TENM2: variants seen among roughly 807,000 people sequenced by gnomAD.
TENM2 encodes teneurin transmembrane protein 2.
In TENM2, 52 loss-of-function variants were observed where a neutral mutation model predicts 245.2. The observed-to-expected ratio is 0.21, with a 90% CI of 0.17 to 0.27. The LOEUF (loss-of-function observed/expected upper bound fraction) is 0.27. TENM2 is among the 10% of genes least tolerant of loss of function. The pLI is 1.00. For missense variants in TENM2, 3,046 were observed against 3,666.8 expected, an observed-to-expected ratio of 0.83 and a Z score of 4.37; for synonymous variants, 1,363 against 1,438.9, an observed-to-expected ratio of 0.95 and a Z score of 1.19.
chr5:167,282,664 A>G (rs1020073104), upstream of TENM2, among the ~76,000 whole-genome samples: 11 of 152,146 alleles, frequency 7.2e-5, no homozygotes, highest in African/African-American at 2.7e-4. Context: ...ACCAGGAATA[A>G]TTTTGACAAG....
intron 1 of TENM2, among the ~76,000 whole-genome samples, chr5:167,329,969 A>G (rs1757343793): frequency 6.6e-6 from 1 of 152,156 alleles, no homozygotes; most frequent in Admixed American, 6.5e-5. Context: ...AAAACAAATT[A>G]TGTTACTGTC....
At chr5:167,127,636 A>AT in the TENM2 span, among the ~76,000 whole-genome samples, 2 of 151,296 alleles carry the variant, frequency 1.3e-5, no homozygotes, top group African/African-American at 4.9e-5. Flanking sequence ...TTTAAAAAAA[A>AT]AAAAGGAAAA....
At chr5:167,843,119 A>C (rs1769704122) in intron 2 of TENM2, among the ~76,000 whole-genome samples, 1 of 152,182 alleles carries the variant, frequency 6.6e-6, no homozygotes, top group Non-Finnish European at 1.5e-5. Context: ...TGCCCAGTGC[A>C]CAGTAGACAC....
intron 2 of TENM2, among the ~76,000 whole-genome samples, chr5:167,542,018 C>T (rs1043628753): frequency 6.6e-6 from 1 of 152,040 alleles, no homozygotes; most frequent in Non-Finnish European, 1.5e-5. Context: ...ACTCTGTGTA[C>T]TCAACATGCC....
At chr5:167,646,085 A>G (rs1779908305) in intron 2 of TENM2, among the ~76,000 whole-genome samples, 2 of 150,176 alleles carry the variant, frequency 1.3e-5, no homozygotes, top group South Asian at 2.1e-4. Context: ...TCTTGCTCCA[A>G]CACAACATAT....
At chr5:167,571,761 G>A (rs186398218) in intron 2 of TENM2, among the ~76,000 whole-genome samples, 1 of 152,256 alleles carries the variant, frequency 6.6e-6, no homozygotes, top group African/African-American at 2.4e-5. Flanking sequence ...TGAAATAGTT[G>A]CGTGCTGAAA....
At chr5:167,383,873 C>A (rs1761254604) in intron 2 of TENM2, among the ~76,000 whole-genome samples, 1 of 151,832 alleles carries the variant, frequency 6.6e-6, no homozygotes, top group East Asian at 1.9e-4. Context: ...ACACACATAG[C>A]ATATATGAAC....
At chr5:167,352,154 G>A (rs1364109822) in intron 1 of TENM2, among the ~76,000 whole-genome samples, 1 of 152,100 alleles carries the variant, frequency 6.6e-6, no homozygotes, top group African/African-American at 2.4e-5. Context: ...GCAAGATCTA[G>A]CAACATAAGC....
intron 23 of TENM2, among the ~76,000 whole-genome samples, chr5:168,220,838 G>A (rs1489866079): frequency 2.0e-5 from 3 of 152,188 alleles, no homozygotes; most frequent in Non-Finnish European, 4.4e-5. Context: ...CTGGTCGGGA[G>A]TGATGCCTCA....
intron 2 of TENM2, among the ~76,000 whole-genome samples, chr5:167,850,594 C>A (rs945685810): frequency 6.6e-6 from 1 of 152,150 alleles, no homozygotes; most frequent in Non-Finnish European, 1.5e-5. Context: ...CCCACATTTA[C>A]CCCAGAGATG....
chr5:167,107,285 AAGG>A, the TENM2 span, among the ~76,000 whole-genome samples: 1 of 151,524 alleles, frequency 6.6e-6, no homozygotes, highest in Non-Finnish European at 1.5e-5. Flanking sequence ...GGAAGGAAGG[AAGG>A]AGGGAAGGGA....
intron 2 of TENM2, among the ~76,000 whole-genome samples, chr5:167,802,497 A>G (rs1027522959): frequency 2.0e-5 from 3 of 152,170 alleles, no homozygotes; most frequent in Non-Finnish European, 4.4e-5. Flanking sequence ...TATTTTGGTC[A>G]CATTTCTAAA....
intron 4 of TENM2, chr5:167,967,010 A>G (rs1355979704): frequency 2.0e-5 from 3 of 152,264 alleles, no homozygotes; most frequent in Non-Finnish European, 2.9e-5. Context: ...TGACACCACG[A>G]TCTCGCCTGG....
intron 2 of TENM2, among the ~76,000 whole-genome samples, chr5:167,626,489 A>C (rs937814194): frequency 3.3e-5 from 5 of 152,222 alleles, no homozygotes; most frequent in Non-Finnish European, 7.3e-5. Flanking sequence ...CAGAAACATG[A>C]CTAGGTCAGT....
At chr5:167,427,640 AGGGAAGGAAGGGACGGG>A in intron 2 of TENM2, among the ~76,000 whole-genome samples, 1 of 63,214 alleles carries the variant, frequency 1.6e-5, no homozygotes, top group Non-Finnish European at 2.8e-5. Flanking sequence ...ACGGAAAGGA[AGGGAAGGAAGGGACGGG>A]AGGGAAGGAA....
intron 2 of TENM2, among the ~76,000 whole-genome samples, chr5:167,751,987 C>T (rs1199480999): frequency 1.3e-5 from 2 of 151,850 alleles, no homozygotes; most frequent in Admixed American, 6.6e-5. Context: ...TGCGCGCACA[C>T]GATTGTGCAA....
chr5:167,715,820 T>C (rs1193967544), intron 2 of TENM2, among the ~76,000 whole-genome samples: 1 of 152,222 alleles, frequency 6.6e-6, no homozygotes. Context: ...CGAAATATAT[T>C]CCCACTGCAT....
At chr5:168,013,031 A>G (rs1785369871) in intron 5 of TENM2, among the ~76,000 whole-genome samples, 1 of 152,160 alleles carries the variant, frequency 6.6e-6, no homozygotes, top group South Asian at 2.1e-4. Context: ...CAAAGGAGGG[A>G]GATAGAAGTG....
At chr5:168,261,741 G>A (rs753136895) in intron 28 of TENM2, among the ~76,000 whole-genome samples, 14 of 152,188 alleles carry the variant, frequency 9.2e-5, no homozygotes, top group Non-Finnish European at 1.9e-4. Flanking sequence ...CCCGGTAAGT[G>A]TGTAGGTCCA....
Sources: gnomAD v4.1 joint callset for allele counts (sites outside exome capture counted in the v4.1 genomes callset) on GRCh38, gnomAD v4.1.1 for gene constraint, MANE v1.5 for transcripts, NCBI Gene and HGNC (gene_info 2026-07-23, HGNC 2026-07-21) for gene names.